The following CSMD1 variants were observed in gnomAD, a reference collection of about 807,000 sequenced individuals.
CSMD1 encodes the protein CUB and Sushi multiple domains 1, also known as CUB and sushi domain-containing protein 1.
Under a neutral mutation model 417.5 loss-of-function variants are expected in CSMD1, and 213 were observed. That is an observed-to-expected ratio of 0.51 (90% CI 0.46 to 0.57). The LOEUF is 0.57. Among genes scored for constraint, CSMD1 ranks in the 20% least tolerant of loss-of-function variants. CSMD1 has a pLI of 0.00. For synonymous variants in CSMD1, 2,862 were observed against 1,736.8 expected (o/e 1.65, Z -16.11); for missense variants, 6,923 against 4,529.7 (o/e 1.53, Z -15.17).
intron 2 of CSMD1, among the ~76,000 whole-genome samples, chr8:4,584,410 G>A (rs565589030): frequency 3.1e-4 from 47 of 152,126 alleles, no homozygotes; most frequent in Middle Eastern, 3.4e-3. Context: ...ATTAGAATTC[G>A]GGGGCTAAAT....
chr8:4,723,524 T>C (rs978613246), intron 1 of CSMD1, among the ~76,000 whole-genome samples: 5 of 152,190 alleles, frequency 3.3e-5, no homozygotes, highest in Admixed American at 6.6e-5. Context: ...GATCTGTGTA[T>C]ACCTGTGCAT....
chr8:4,711,814 G>A (rs1263872452), intron 1 of CSMD1, among the ~76,000 whole-genome samples: 1 of 152,068 alleles, frequency 6.6e-6, no homozygotes, highest in African/African-American at 2.4e-5. Context: ...CTTAAAAAAG[G>A]TCCCGAACCA....
intron 12 of CSMD1, among the ~76,000 whole-genome samples, chr8:3,436,401 A>T (rs1814567676): frequency 6.6e-6 from 1 of 152,142 alleles, no homozygotes. Context: ...TAGAATGTAA[A>T]ATCTGTGAGA....
chr8:4,457,206 G>C (rs180723676), intron 2 of CSMD1, among the ~76,000 whole-genome samples: 4 of 152,110 alleles, frequency 2.6e-5, no homozygotes, highest in Admixed American at 6.6e-5. Context: ...AACACATGTG[G>C]AGGGAAGGGG....
At chr8:4,448,707 T>A (rs1798959594) in intron 2 of CSMD1, among the ~76,000 whole-genome samples, 1 of 152,210 alleles carries the variant, frequency 6.6e-6, no homozygotes, top group Non-Finnish European at 1.5e-5. Flanking sequence ...TTTTTGGCAT[T>A]GCCCATTTCA....
In CSMD1 at chr8:3,538,455, A is replaced by C. The variant is rs780998064; in HGVS notation, c.1344+36490T>G. Among the ~76,000 whole-genome samples, 24 of 151,986 alleles carry C rather than the reference A, an allele frequency of 1.6e-4. 1 individual carries two copies. Among genetic ancestry groups the C allele is most frequent in the South Asian group, 6.3e-4 (3 of 4,790 alleles). ...TGCCTCACCTGAGATGATGCACCTG[A>C]GATGCCTCACCTAAGATGATACACC... On this transcript the variant is annotated intron_variant, in intron 10 of 69. Coordinates refer to ENST00000635120, the MANE Select transcript of CSMD1 (RefSeq NM_033225.6).
intron 26 of CSMD1, among the ~76,000 whole-genome samples, chr8:3,234,241 G>C (rs189511096): frequency 1.1e-3 from 168 of 152,150 alleles, no homozygotes; most frequent in Non-Finnish European, 2.1e-4. Context: ...TCCTTATTTT[G>C]TTGCAGGTTC....
At chr8:3,992,422 AAAAT>A in intron 5 of CSMD1, among the ~76,000 whole-genome samples, 1 of 152,326 alleles carries the variant, frequency 6.6e-6, no homozygotes, top group Admixed American at 6.5e-5. Flanking sequence ...AGTTAAAACA[AAAAT>A]AAGTGTTGAG....
intron 5 of CSMD1, among the ~76,000 whole-genome samples, chr8:3,965,296 T>G (rs1213453587): frequency 6.6e-6 from 1 of 152,174 alleles, no homozygotes; most frequent in East Asian, 1.9e-4. Flanking sequence ...TCTCTAAGCA[T>G]GGGTTTCTGA....
At chr8:4,764,061 C>A (rs1292043746) in intron 1 of CSMD1, among the ~76,000 whole-genome samples, 1 of 152,176 alleles carries the variant, frequency 6.6e-6, no homozygotes, top group Admixed American at 6.5e-5. Context: ...TGGCAACAGA[C>A]AGCACTCTGT....
At chr8:4,405,831 A>G (rs1237257811) in intron 3 of CSMD1, among the ~76,000 whole-genome samples, 1 of 152,180 alleles carries the variant, frequency 6.6e-6, no homozygotes, top group Admixed American at 6.5e-5. Context: ...GCGTGCCTCC[A>G]AGACACAGCT....
At chr8:4,645,457 A>AAAAAAAAAAAAAAAAAAAG in intron 1 of CSMD1, among the ~76,000 whole-genome samples, 1 of 150,014 alleles carries the variant, frequency 6.7e-6, no homozygotes, top group Non-Finnish European at 1.5e-5. Context: ...AAAAAAAAAA[A>AAAAAAAAAAAAAAAAAAAG]AAAAAAAAAA....
At chr8:4,013,477 T>A (rs1042183748) in intron 4 of CSMD1, among the ~76,000 whole-genome samples, 8 of 152,110 alleles carry the variant, frequency 5.3e-5, no homozygotes, top group African/African-American at 1.7e-4. Flanking sequence ...GGATCTTAGG[T>A]GATAAGACCA....
chr8:3,154,283 T>C (rs1240326884), intron 39 of CSMD1, among the ~76,000 whole-genome samples: 2 of 152,204 alleles, frequency 1.3e-5, no homozygotes, highest in African/African-American at 4.8e-5. Context: ...CTTTGTGACA[T>C]TTTAAGGCGA....
intron 3 of CSMD1, among the ~76,000 whole-genome samples, chr8:4,089,029 C>A (rs950349408): frequency 6.6e-6 from 1 of 152,202 alleles, no homozygotes; most frequent in Non-Finnish European, 1.5e-5. Flanking sequence ...AAAACTTATT[C>A]TTGTAGAGAA....
chr8:3,467,581 C>G (rs1395388464), intron 12 of CSMD1, among the ~76,000 whole-genome samples: 1 of 152,072 alleles, frequency 6.6e-6, no homozygotes, highest in Non-Finnish European at 1.5e-5. Flanking sequence ...TCATTAAGTC[C>G]CCAACACACC....
intron 50 of CSMD1, among the ~76,000 whole-genome samples, chr8:3,032,302 G>T (rs542064871): frequency 6.6e-6 from 1 of 151,880 alleles, no homozygotes; most frequent in African/African-American, 2.4e-5. Context: ...AATTTGGGAG[G>T]AGAAATCCCA....
intron 12 of CSMD1, among the ~76,000 whole-genome samples, chr8:3,449,088 T>C (rs1486395787): frequency 6.6e-6 from 1 of 151,386 alleles, no homozygotes; most frequent in Non-Finnish European, 1.5e-5. Flanking sequence ...TGTCTTCCAA[T>C]CCATGAGTTC....
chr8:4,454,775 C>G (rs773568167), intron 2 of CSMD1, among the ~76,000 whole-genome samples: 1 of 152,180 alleles, frequency 6.6e-6, no homozygotes, highest in Non-Finnish European at 1.5e-5. Context: ...AATAGCCATT[C>G]TAAAGGCACT....
Sources: allele counts gnomAD v4.1 joint callset (sites outside exome capture counted in the v4.1 genomes callset), GRCh38; gene constraint gnomAD v4.1.1; transcripts MANE v1.5; gene names NCBI Gene and HGNC (gene_info 2026-07-23, HGNC 2026-07-21).